SLC5A9: variants seen among roughly 807,000 people sequenced by gnomAD.
SLC5A9 encodes the protein sodium/glucose cotransporter 4.
In SLC5A9, 59 loss-of-function variants were observed where a neutral mutation model predicts 70.9. That is an observed-to-expected ratio of 0.83 (90% CI 0.68 to 1.03). The LOEUF is 1.03. Among genes scored for constraint, SLC5A9 ranks in the 50% least tolerant of loss-of-function variants. SLC5A9 has a pLI of 0.00. For synonymous variants in SLC5A9, 340 were observed against 346.5 expected, an observed-to-expected ratio of 0.98 and a Z score of 0.21; for missense variants, 832 against 881.1, an observed-to-expected ratio of 0.94 and a Z score of 0.71.
intron 11 of SLC5A9, among the ~76,000 whole-genome samples, chr1:48,238,161 C>G (rs113201564): frequency 2.9e-4 from 44 of 152,220 alleles, no homozygotes; most frequent in African/African-American, 9.6e-4. Context: ...AAGCACCTAA[C>G]CTATGGGGCT....
In SLC5A9 at chr1:48,247,934, C is replaced by T; in HGVS notation, c.*391C>T. The T allele has an allele frequency of 9.6e-6, 2 of 209,190 alleles. No individual in the cohort carries two copies. The allele number at this position is 209,190 out of a possible 1,614,324, so 13.0% of individuals were successfully genotyped here. ...GAGCAGGAAGAAATTTGCAAAAATC[C>T]AAGAGCACCTTTGCTCCCCCTTATC... On this transcript the variant is annotated 3_prime_UTR_variant, in exon 14 of 14. Transcript: ENST00000438567.
intron 9 of SLC5A9, among the ~76,000 whole-genome samples, chr1:48,234,235 G>A (rs563342917): frequency 3.9e-5 from 6 of 152,340 alleles, no homozygotes; most frequent in African/African-American, 1.4e-4. Flanking sequence ...CAAAGGCCCA[G>A]GGTGAAGAGA....
At chr1:48,237,614 C>A in intron 10 of SLC5A9, 65 bp from the exon 11 acceptor site, 1 of 1,534,408 alleles carries the variant, frequency 6.5e-7, no homozygotes, top group African/African-American at 1.4e-5. Flanking sequence ...CTGTGCATCA[C>A]CTTCACCCCA....
Position 48,243,900 on chromosome 1 carries a change from A to G in SLC5A9, c.1837+1284A>G, listed in dbSNP as rs147433268. ...TCTGCCTCAGTGAAAGAAAGTCTTA[A>G]TACAAGTAGATGAATAAGACATTGT... On this transcript the variant is annotated intron_variant, in intron 13 of 13. Transcript: ENST00000438567. Among the ~76,000 whole-genome samples, 52 of 152,344 alleles carry G rather than the reference A, an allele frequency of 3.4e-4. No individual in the cohort carries two copies. In the East Asian group the frequency reaches 9.1e-3, roughly 27 times the overall value.
chr1:48,246,788 T>G (rs533407937), intron 13 of SLC5A9, among the ~76,000 whole-genome samples: 4 of 152,332 alleles, frequency 2.6e-5, no homozygotes, highest in African/African-American at 9.6e-5. Context: ...CATATGTCAT[T>G]GATACATTTG....
At chr1:48,226,145 G>A (rs1397094037) in intron 2 of SLC5A9, among the ~76,000 whole-genome samples, 2 of 152,094 alleles carry the variant, frequency 1.3e-5, no homozygotes, top group Non-Finnish European at 2.9e-5. Flanking sequence ...CGGGGTCACT[G>A]GTGCTACAGC....
chr1:48,227,068 C>A (rs952950462), intron 2 of SLC5A9, among the ~76,000 whole-genome samples: 15 of 151,082 alleles, frequency 9.9e-5, no homozygotes, highest in African/African-American at 3.7e-4. Context: ...TGTATGTGCA[C>A]GTGTGTGCAT....
chr1:48,228,381 A>G (rs1461665651), intron 2 of SLC5A9: 2 of 165,902 alleles, frequency 1.2e-5, no homozygotes, highest in African/African-American at 2.4e-5. Flanking sequence ...CCCCTGGAGA[A>G]CTAACTCAGA....
rs1243862714 is a variant in SLC5A9, at chr1:48,232,307, C to G, written c.898-60C>G. ...AGTCATGCCCAGTGTCAGGGCTCAC[C>G]TGTGGCTTAATGAGCCTCTCCTCTA... On this transcript the variant is annotated intron_variant, in intron 7 of 13. Transcript: ENST00000438567. 21 of 1,596,810 alleles carry G rather than the reference C, an allele frequency of 1.3e-5. No homozygotes were observed. The East Asian group carries it at 4.7e-4, about 36-fold the overall frequency.
chr1:48,237,944 C>A, intron 11 of SLC5A9, 97 bp downstream of exon 11: 1 of 1,290,622 alleles, frequency 7.7e-7, no homozygotes, highest in South Asian at 1.5e-5. Context: ...AATCCACTTC[C>A]CCTCTAGGCT....
intron 13 of SLC5A9, among the ~76,000 whole-genome samples, chr1:48,244,878 GTATATATA>G (rs756117312): frequency 0.17 from 5,103 of 29,396 alleles, 1,353 homozygotes; most frequent in African/African-American, 0.27. Context: ...ATGTGTATGT[GTATATATA>G]TATATATATA....
Position 48,235,738 on chromosome 1 carries a change from G to A in SLC5A9, c.1151G>A (p.Gly384Glu). 1 of 1,614,200 alleles carries A rather than the reference G, an allele frequency of 6.2e-7. No individual in the cohort carries two copies. Among genetic ancestry groups the A allele is most frequent in the Non-Finnish European group, 8.5e-7 (1 of 1,180,052 alleles). Residue 384 changes from glycine (G) to glutamate (E), a missense_variant, in exon 10 of 14, where the codon GGG becomes GAG. Physicochemically the swap from Gly to Glu is moderately conservative, Grantham distance 98 (BLOSUM62 -2). Coordinates refer to ENST00000438567, the MANE Select transcript of SLC5A9 (RefSeq NM_001011547.3). ...CCTCGTCTCTCCCCAGGTCTGCGGG[G>A]GCTGATGATTGCCGTGATCATGGCC... ...VMALMPVGLR[G>E]LMIAVIMAAL...
rs1284329444 is a variant in SLC5A9 at position 48,242,667 on chromosome 1, A to G, written c.1837+51A>G. ...CTCATCACAGAGGAACAGGGGGGAC[A>G]GACCTATGTCATGGGCGGTCTTTGG... On this transcript the variant is annotated intron_variant, in intron 13 of 13. Coordinates refer to ENST00000438567, the MANE Select transcript of SLC5A9 (RefSeq NM_001011547.3). 6 of 1,515,284 alleles carry G rather than the reference A, an allele frequency of 4.0e-6. No homozygotes were observed. In the South Asian group the frequency reaches 7.7e-5, roughly 19 times the overall value. 93.9% of individuals were successfully genotyped at this position (1,515,284 alleles called of 1,614,324 possible).
intron 13 of SLC5A9, among the ~76,000 whole-genome samples, chr1:48,243,036 C>T (rs1030205271): frequency 1.2e-4 from 19 of 152,030 alleles, no homozygotes; most frequent in South Asian, 2.1e-4. Flanking sequence ...TCTACCAGCA[C>T]GGAAGTCCCT....
intron 12 of SLC5A9, among the ~76,000 whole-genome samples, chr1:48,240,684 C>G (rs1185698169): frequency 6.6e-6 from 1 of 152,210 alleles, no homozygotes; most frequent in Non-Finnish European, 1.5e-5. Context: ...CCTCACTCTT[C>G]TTCCCGAAGT....
chr1:48,245,359 C>T (rs1244777874), intron 13 of SLC5A9, among the ~76,000 whole-genome samples: 1 of 152,072 alleles, frequency 6.6e-6, no homozygotes, highest in Non-Finnish European at 1.5e-5. Context: ...CCAGCTGGTC[C>T]CCATGCCAAG....
intron 13 of SLC5A9, among the ~76,000 whole-genome samples, 160 bp downstream of exon 13, chr1:48,242,776 A>C (rs1644407856): frequency 6.6e-6 from 1 of 152,150 alleles, no homozygotes; most frequent in Non-Finnish European, 1.5e-5. Context: ...AATAAGACAA[A>C]TGAGTCAGGC....
In SLC5A9 at chr1:48,233,747, G is replaced by A. The variant is rs1454626850; in HGVS notation, c.1126G>A (p.Ala376Thr). 12 of 1,613,276 alleles carry A rather than the reference G, an allele frequency of 7.4e-6. No homozygotes were observed. In the South Asian group the frequency reaches 1.3e-4, roughly 18 times the overall value. ...SNIAYPKLVM[A>T]LMPVGLRGLM... ...CATTGCCTACCCTAAGTTGGTCATGGCCCTCATGCCTGTTGGTGAGTCTCT... is the reference window on the plus strand; with the variant it reads ...CATTGCCTACCCTAAGTTGGTCATGACCCTCATGCCTGTTGGTGAGTCTCT... Residue 376 changes from alanine to threonine, a missense_variant, in exon 9 of 14, where the codon GCC becomes ACC. By Grantham distance (58) the Ala-to-Thr change is moderately conservative. Transcript: ENST00000438567.
intron 2 of SLC5A9, 72 bp downstream of exon 2, chr1:48,224,867 T>A: frequency 7.1e-7 from 1 of 1,407,026 alleles, no homozygotes; most frequent in Non-Finnish European, 1.0e-6. Flanking sequence ...ATCCAAGCAC[T>A]TGTCCCATCT....
Sources: allele counts gnomAD v4.1 joint callset (sites outside exome capture counted in the v4.1 genomes callset), GRCh38; gene constraint gnomAD v4.1.1; transcripts MANE v1.5; gene names NCBI Gene and HGNC (gene_info 2026-07-23, HGNC 2026-07-21).